The following PKNOX1 variants were observed in gnomAD, a reference collection of about 807,000 sequenced individuals.
PKNOX1 encodes PBX/knotted 1 homeobox 1, also known as homeobox protein PKNOX1.
Under a neutral mutation model 51.9 loss-of-function variants are expected in PKNOX1, and 15 were observed. The observed-to-expected ratio is 0.29, with a 90% CI of 0.19 to 0.45. PKNOX1 has a LOEUF of 0.45. PKNOX1 is among the 20% of genes least tolerant of loss of function. The probability of loss-of-function intolerance (pLI) is 1.00; values close to 1 mark genes in which losing one functional copy is unlikely to be tolerated. For missense variants in PKNOX1, 462 were observed against 547.5 expected (o/e 0.84, Z 1.56); for synonymous variants, 219 against 211.1 (o/e 1.04, Z -0.32).
chr21:43,033,304 C>T lies in PKNOX1; in HGVS notation c.*3203C>T, dbSNP rs938008237. ...TCTGTGTGACCTGAGAGTGATCCAT[C>T]TCCTGCCTGTGTGAGGTAGCAGTGG... is the stretch of plus-strand genomic sequence containing the variant. On this transcript the variant is annotated 3_prime_UTR_variant, in exon 11 of 11. Coordinates refer to ENST00000291547, the MANE Select transcript of PKNOX1 (RefSeq NM_004571.5). The T allele has an allele frequency of 1.3e-5, 2 of 152,556 alleles. No homozygotes were observed. Among genetic ancestry groups the T allele is most frequent in the African/African-American group, 2.4e-5 (1 of 41,456 alleles). The allele number at this position is 152,556 out of a possible 1,614,324, so 9.5% of individuals were successfully genotyped here. A position where few individuals can be genotyped will look rare whatever the true frequency, so the allele number is the denominator to read the frequency against.
chr21:43,005,724 C>T (rs1978958794), intron 2 of PKNOX1, among the ~76,000 whole-genome samples: 1 of 152,054 alleles, frequency 6.6e-6, no homozygotes. Flanking sequence ...TCTGCCTGCC[C>T]TGGAGCACCG....
At chr21:42,991,994 C>T (rs1271932754) in intron 1 of PKNOX1, among the ~76,000 whole-genome samples, 1 of 152,216 alleles carries the variant, frequency 6.6e-6, no homozygotes, top group African/African-American at 2.4e-5. Flanking sequence ...AGATGCACTA[C>T]TACAAATAAG....
At chr21:43,007,380 A>C in intron 2 of PKNOX1, 111 bp from the exon 3 acceptor site, 2 of 908,872 alleles carry the variant, frequency 2.2e-6, no homozygotes, top group Non-Finnish European at 1.8e-6. Flanking sequence ...ATATGATTGC[A>C]GTCATACTGC....
chr21:42,991,799 A>G (rs946473494), intron 1 of PKNOX1, among the ~76,000 whole-genome samples: 7 of 152,156 alleles, frequency 4.6e-5, no homozygotes, highest in African/African-American at 1.7e-4. Context: ...AATCCTAAAG[A>G]CAAAATAACT....
chr21:42,982,903 G>A (rs1461572336), intron 1 of PKNOX1, among the ~76,000 whole-genome samples: 2 of 151,762 alleles, frequency 1.3e-5, no homozygotes, highest in African/African-American at 4.8e-5. Flanking sequence ...TCTGCCTCCC[G>A]GGTTCAGGCA....
chr21:42,983,526 T>C (rs564330912), intron 1 of PKNOX1, among the ~76,000 whole-genome samples: 2 of 152,314 alleles, frequency 1.3e-5, no homozygotes, highest in African/African-American at 4.8e-5. Flanking sequence ...ATTTTGTTTA[T>C]CCATCCCTCA....
chr21:43,015,045 G>A lies in PKNOX1; in HGVS notation c.522+1807G>A, dbSNP rs947827969. On this transcript the variant is annotated intron_variant, in intron 5 of 10. Transcript: ENST00000291547. The stretch of plus-strand genomic sequence containing the variant: ...TTGACAACTCTGATTTCATTCATCA[G>A]TGCTTTGTAGTTTTTGACACATAAG... Among the ~76,000 whole-genome samples, 3 of 152,242 alleles carry A rather than the reference G, an allele frequency of 2.0e-5. No homozygotes were observed. In the South Asian group the frequency reaches 6.2e-4, roughly 31 times the overall value.
intron 8 of PKNOX1, chr21:43,024,360 A>G (rs1279838485): frequency 6.6e-6 from 1 of 152,332 alleles, no homozygotes; most frequent in Admixed American, 6.5e-5. Flanking sequence ...ACTGACAGTG[A>G]CTGTCTCAGC....
At chr21:42,990,655 C>G (rs1160925275) in intron 1 of PKNOX1, among the ~76,000 whole-genome samples, 1 of 152,042 alleles carries the variant, frequency 6.6e-6, no homozygotes, top group Non-Finnish European at 1.5e-5. Context: ...GACAGATTTA[C>G]AAAAGAGAAA....
intron 1 of PKNOX1, among the ~76,000 whole-genome samples, chr21:42,976,573 A>G (rs932988819): frequency 3.9e-5 from 6 of 152,252 alleles, no homozygotes; most frequent in Non-Finnish European, 5.9e-5. Context: ...CACTAAGTTG[A>G]TGTGATATTC....
chr21:42,976,704 T>G (rs1187923210), intron 1 of PKNOX1, among the ~76,000 whole-genome samples: 5 of 152,232 alleles, frequency 3.3e-5, no homozygotes, highest in Non-Finnish European at 5.9e-5. Context: ...TTCCACCACA[T>G]CTGCAGTTCC....
chr21:42,987,404 A>AAAAAAAAAAAATATAT, intron 1 of PKNOX1, among the ~76,000 whole-genome samples: 10 of 41,410 alleles, frequency 2.4e-4, no homozygotes, highest in African/African-American at 9.3e-4. Flanking sequence ...AAAAAAAAAA[A>AAAAAAAAAAAATATAT]ATATATATAT....
chr21:43,017,604 G>A (rs1178992481), intron 6 of PKNOX1: 1 of 152,160 alleles, frequency 6.6e-6, no homozygotes, highest in Non-Finnish European at 1.5e-5. Flanking sequence ...AATTAAAATA[G>A]TTATTATTTA....
At chr21:43,012,585 A>AAAACC (rs1163915399) in intron 4 of PKNOX1, among the ~76,000 whole-genome samples, 7 of 152,364 alleles carry the variant, frequency 4.6e-5, no homozygotes, top group African/African-American at 1.7e-4. Context: ...AAAACAAAAC[A>AAAACC]AAATGATATA....
chr21:42,994,036 T>C (rs1341375515), intron 1 of PKNOX1, among the ~76,000 whole-genome samples: 2 of 145,652 alleles, frequency 1.4e-5, no homozygotes, highest in African/African-American at 5.0e-5. Flanking sequence ...CCAGCCTTTT[T>C]TTTTTTTTTT....
At chr21:43,023,122 G>A (rs893103126) in intron 8 of PKNOX1, among the ~76,000 whole-genome samples, 3 of 151,848 alleles carry the variant, frequency 2.0e-5, no homozygotes, top group African/African-American at 4.8e-5. Flanking sequence ...GTAGTTTCCC[G>A]CATACTCTGG....
chr21:43,028,790 A>T lies in PKNOX1; in HGVS notation c.1015A>T (p.Asn339Tyr). ...TPKTKKKTAQ[N>Y]RPVQRFWPDS... ...CAAAACAAAGAAAAAAACTGCTCAG[A>T]ACCGGCCAGTTCAGAGGTTTTGGCC... Residue 339 changes from asparagine to tyrosine, a missense_variant, in exon 10 of 11, where the codon AAC (asparagine) becomes TAC (tyrosine). Transcript: ENST00000291547. The T allele has an allele frequency of 6.2e-7, 1 of 1,614,074 alleles. No homozygotes were observed.
At chr21:43,005,413 G>A (rs71320590) in intron 2 of PKNOX1, among the ~76,000 whole-genome samples, 5,322 of 107,104 alleles carry the variant, frequency 0.05, 130 homozygotes, top group Middle Eastern at 0.077. Flanking sequence ...TTTTGTTGTT[G>A]GTGGTGGTGG....
intron 1 of PKNOX1, among the ~76,000 whole-genome samples, chr21:42,975,669 C>G (rs770128397): frequency 6.6e-6 from 1 of 152,184 alleles, no homozygotes; most frequent in Non-Finnish European, 1.5e-5. Flanking sequence ...ACGGGAGGCC[C>G]GAGGGTCCGG....
Sources: allele counts gnomAD v4.1 joint callset (sites outside exome capture counted in the v4.1 genomes callset), GRCh38; gene constraint gnomAD v4.1.1; transcripts MANE v1.5; gene names NCBI Gene and HGNC (gene_info 2026-07-23, HGNC 2026-07-21).